TRNT1: variants seen among roughly 807,000 people sequenced by gnomAD.
The protein encoded by TRNT1 is tRNA nucleotidyl transferase 1, also known as CCA tRNA nucleotidyltransferase 1, mitochondrial.
Under a neutral mutation model 45.6 loss-of-function variants are expected in TRNT1, and 44 were observed. That is an observed-to-expected ratio of 0.97 (90% confidence interval 0.76 to 1.24). TRNT1 has a LOEUF of 1.24. Ranked by LOEUF, TRNT1 falls within the 50% of genes most tolerant of loss-of-function variation. The probability of loss-of-function intolerance (pLI) is 0.00; values close to 1 mark genes in which losing one functional copy is unlikely to be tolerated. For synonymous variants in TRNT1, 201 were observed against 171.4 expected, an observed-to-expected ratio of 1.17 and a Z score of -1.35; for missense variants, 633 against 504.4, an observed-to-expected ratio of 1.25 and a Z score of -2.44.
chr3:3,136,676 A>G (rs752126305), intron 2 of TRNT1: 11 of 415,046 alleles, frequency 2.7e-5, no homozygotes, highest in African/African-American at 2.2e-4. Context: ...TTTTTTTGAG[A>G]TAAGGTCTTG....
At chr3:3,141,078 A>G (rs1211121962) in intron 4 of TRNT1, among the ~76,000 whole-genome samples, 2 of 152,236 alleles carry the variant, frequency 1.3e-5, no homozygotes, top group African/African-American at 4.8e-5. Flanking sequence ...TCTCAAAAAA[A>G]AAGAATAGAC....
At chr3:3,130,885 C>T (rs1173177314) in intron 2 of TRNT1, among the ~76,000 whole-genome samples, 1 of 151,744 alleles carries the variant, frequency 6.6e-6, no homozygotes, top group Non-Finnish European at 1.5e-5. Context: ...AGTTTGAGAC[C>T]AGCCTGGGCA....
chr3:3,144,683 A>G lies in TRNT1; in HGVS notation c.581A>G (p.Asp194Gly), dbSNP rs754316396. ...CATGCTAAACAGAGAATACAAGAGG[A>G]TTATCTTAGAATTTTAAGATACTTC... is the stretch of plus-strand genomic sequence containing the variant. ...VGHAKQRIQE[D>G]YLRILRYFRF... Residue 194 changes from aspartate to glycine, a missense_variant, in exon 5 of 8, where the codon GAT becomes GGT. By Grantham distance (94) the Asp-to-Gly change is moderately conservative. Transcript: ENST00000251607. 6 of 1,547,260 alleles carry G rather than the reference A, an allele frequency of 3.9e-6. No individual in the cohort carries two copies. Among genetic ancestry groups the G allele is most frequent in the Non-Finnish European group, 5.3e-6 (6 of 1,141,308 alleles).
At chr3:3,150,842 A>G, downstream of TRNT1, 1 of 1,606,318 alleles carries the variant, frequency 6.2e-7, no homozygotes. Context: ...TTTGTTAGAT[A>G]ACTTTATCTC....
At chr3:3,141,455 T>A (rs1705649242) in intron 4 of TRNT1, among the ~76,000 whole-genome samples, 1 of 152,244 alleles carries the variant, frequency 6.6e-6, no homozygotes, top group Admixed American at 6.5e-5. Context: ...CAGCACTTTT[T>A]ACTGCTGAGC....
chr3:3,142,056 G>A (rs1015396590), intron 4 of TRNT1, among the ~76,000 whole-genome samples: 1 of 152,180 alleles, frequency 6.6e-6, no homozygotes, highest in African/African-American at 2.4e-5. Context: ...GGCAATATAT[G>A]ACCATAGAGA....
chr3:3,140,546 A>T lies in TRNT1; in HGVS notation c.379A>T (p.Ile127Phe), dbSNP rs200459255. 6.2e-7 allele frequency: 1 copy of T among 1,614,198 alleles called. No individual in the cohort carries two copies. Among genetic ancestry groups the T allele is most frequent in the African/African-American group, 1.3e-5 (1 of 75,074 alleles). The change falls in exon 4 of 8, where the codon ATT (isoleucine) becomes TTT (phenylalanine). Residue 127 changes from isoleucine (I) to phenylalanine (F), a missense_variant. Ile to Phe is a conservative substitution (Grantham distance 21). Transcript: ENST00000251607. ...EENFEITTLR[I>F]DVTTDGRHAE... Reference sequence around the variant, plus strand: ...AAATTTTGAGATTACTACACTACGGATTGATGTCACCACTGATGGAAGACA... The same window carrying T: ...AAATTTTGAGATTACTACACTACGGTTTGATGTCACCACTGATGGAAGACA...
At chr3:3,150,868 C>A (rs773568119), downstream of TRNT1, 1 of 1,613,222 alleles carries the variant, frequency 6.2e-7, no homozygotes, top group Non-Finnish European at 8.5e-7. Flanking sequence ...CATCTGTTTA[C>A]AAGCAAAGTA....
intron 4 of TRNT1, among the ~76,000 whole-genome samples, chr3:3,142,694 CT>C (rs993291320): frequency 6.6e-6 from 1 of 152,110 alleles, no homozygotes; most frequent in African/African-American, 2.4e-5. Flanking sequence ...CTTATTTTTG[CT>C]TTGATCATAT....
intron 1 of TRNT1, chr3:3,127,320 C>T (rs1223058455): frequency 1.3e-5 from 2 of 152,262 alleles, no homozygotes; most frequent in Admixed American, 1.3e-4. Flanking sequence ...GCTGGGGTTC[C>T]CCAGAGCGTT....
intron 2 of TRNT1, chr3:3,129,465 G>A: frequency 2.4e-6 from 1 of 411,792 alleles, no homozygotes; most frequent in Non-Finnish European, 4.5e-6. Flanking sequence ...GGTGTACCCA[G>A]CCTGTAATCT....
intron 4 of TRNT1, among the ~76,000 whole-genome samples, chr3:3,144,047 C>A (rs1705825653): frequency 6.6e-6 from 1 of 152,020 alleles, no homozygotes; most frequent in Admixed American, 6.5e-5. Flanking sequence ...TCACTTATGA[C>A]TTTGTGTGTG....
intron 4 of TRNT1, among the ~76,000 whole-genome samples, chr3:3,143,511 T>G (rs2126029018): frequency 6.6e-6 from 1 of 152,332 alleles, no homozygotes; most frequent in Non-Finnish European, 1.5e-5. Flanking sequence ...GACTGCCCAT[T>G]TAACCACACC....
chr3:3,129,851 G>C, intron 2 of TRNT1: 1 of 1,549,930 alleles, frequency 6.5e-7, no homozygotes, highest in East Asian at 2.4e-5. Flanking sequence ...TAGAGAGCTA[G>C]GTTTCGAACT....
At chr3:3,138,135 T>C (rs747207782) in intron 3 of TRNT1, among the ~76,000 whole-genome samples, 22 of 152,214 alleles carry the variant, frequency 1.4e-4, no homozygotes, top group Admixed American at 9.2e-4. Flanking sequence ...TGGCCTCTCT[T>C]TTTTGTTAAG....
At chr3:3,134,632 T>G (rs1013652185) in intron 2 of TRNT1, among the ~76,000 whole-genome samples, 1 of 152,152 alleles carries the variant, frequency 6.6e-6, no homozygotes, top group African/African-American at 2.4e-5. Flanking sequence ...AACTTGTCCT[T>G]TATTTGCTTG....
chr3:3,145,657 T>G (rs1231543146), intron 5 of TRNT1: 2 of 152,172 alleles, frequency 1.3e-5, no homozygotes, highest in Non-Finnish European at 2.9e-5. Context: ...TAATATTCAT[T>G]TTTCACTGGT....
At chr3:3,151,686 A>C (rs1319925172), downstream of TRNT1, among the ~76,000 whole-genome samples, 3 of 152,122 alleles carry the variant, frequency 2.0e-5, no homozygotes, top group Non-Finnish European at 2.9e-5. Flanking sequence ...GTGCCAAGTA[A>C]GATAGGGCAA....
At chr3:3,131,063 A>C (rs1278793316) in intron 2 of TRNT1, among the ~76,000 whole-genome samples, 1 of 151,824 alleles carries the variant, frequency 6.6e-6, no homozygotes, top group Non-Finnish European at 1.5e-5. Flanking sequence ...CCTGGGCGAC[A>C]CAGACCGTGT....
Sources: gnomAD v4.1 joint callset for allele counts (sites outside exome capture counted in the v4.1 genomes callset) on GRCh38, gnomAD v4.1.1 for gene constraint, MANE v1.5 for transcripts, NCBI Gene and HGNC (gene_info 2026-07-23, HGNC 2026-07-21) for gene names.